CDH13: variants seen among roughly 807,000 people sequenced by gnomAD.
The protein encoded by CDH13 is cadherin 13.
Under a neutral mutation model 63.8 loss-of-function variants are expected in CDH13, and 24 were observed. The ratio of observed to expected loss-of-function variants is 0.38; its 90% CI spans 0.27 to 0.53. The LOEUF (loss-of-function observed/expected upper bound fraction) is 0.53, where lower values mean the gene tolerates loss of function less well. Ranked by LOEUF, CDH13 falls within the 20% of genes least tolerant of loss-of-function variation. CDH13 has a pLI of 0.85. For missense variants in CDH13, 1,049 were observed against 903.1 expected, an observed-to-expected ratio of 1.16 and a Z score of -2.07; for synonymous variants, 503 against 355.3, an observed-to-expected ratio of 1.42 and a Z score of -4.67.
intron 7 of CDH13, among the ~76,000 whole-genome samples, chr16:83,598,318 C>G (rs553798870): frequency 1.3e-5 from 2 of 152,190 alleles, no homozygotes; most frequent in South Asian, 2.1e-4. Context: ...TGAACCATGA[C>G]CACATCACTG....
At chr16:83,100,911 A>C (rs991489219) in intron 3 of CDH13, among the ~76,000 whole-genome samples, 1 of 152,146 alleles carries the variant, frequency 6.6e-6, no homozygotes, top group Non-Finnish European at 1.5e-5. Context: ...TGTATTTCAC[A>C]CATCATTTAA....
intron 6 of CDH13, among the ~76,000 whole-genome samples, chr16:83,368,916 A>T (rs1428706324): frequency 1.3e-5 from 1 of 75,800 alleles, no homozygotes; most frequent in African/African-American, 9.6e-5. Flanking sequence ...ATATATATAT[A>T]TATATATATA....
intron 6 of CDH13, among the ~76,000 whole-genome samples, chr16:83,451,776 G>A (rs1306959507): frequency 3.9e-5 from 6 of 152,196 alleles, no homozygotes; most frequent in East Asian, 1.9e-4. Flanking sequence ...TCTTGGCCTC[G>A]CAAAGTGCTG....
At chr16:83,488,327 C>T (rs979679820) in intron 7 of CDH13, among the ~76,000 whole-genome samples, 9 of 152,028 alleles carry the variant, frequency 5.9e-5, no homozygotes, top group African/African-American at 2.2e-4. Flanking sequence ...TACTGCCTAG[C>T]ATGGTTGAAG....
intron 10 of CDH13, among the ~76,000 whole-genome samples, chr16:83,687,984 G>C (rs564529585): frequency 6.6e-6 from 1 of 152,218 alleles, no homozygotes; most frequent in African/African-American, 2.4e-5. Flanking sequence ...TCATCTTTCT[G>C]ACCTGGATGC....
chr16:82,879,862 A>G (rs908662819), intron 2 of CDH13, among the ~76,000 whole-genome samples: 1 of 143,140 alleles, frequency 7.0e-6, no homozygotes, highest in Non-Finnish European at 1.5e-5. Context: ...AATATATAAT[A>G]GATTTATCTA....
Position 83,419,999 on chromosome 16 carries a change from A to C in CDH13, c.782-66478A>C, listed in dbSNP as rs192343938. Among the ~76,000 whole-genome samples, 405 of 152,050 alleles carry C rather than the reference A, an allele frequency of 2.7e-3. 5 individuals are homozygous for C. The highest frequency in any genetic ancestry group is 9.3e-3 in the African/African-American group (386 of 41,444). On this transcript the variant is annotated intron_variant, in intron 6 of 13. Transcript: ENST00000567109. ...GATTTTAGCTTGAGAGAACTGATTA[A>C]CTCACATTGCATCTTGGGAGGCAGA... is the stretch of plus-strand genomic sequence containing the variant.
chr16:83,362,858 T>G (rs184458122), intron 6 of CDH13, among the ~76,000 whole-genome samples: 65 of 152,304 alleles, frequency 4.3e-4, no homozygotes, highest in African/African-American at 1.5e-3. Context: ...AAATGTTGAT[T>G]TTATTGCTTA....
At chr16:83,678,759 A>G (rs1379384081) in intron 10 of CDH13, among the ~76,000 whole-genome samples, 4 of 152,106 alleles carry the variant, frequency 2.6e-5, no homozygotes, top group Admixed American at 2.0e-4. Context: ...TTGAACGGAG[A>G]GAGAAGGGAG....
At chr16:83,042,300 G>A (rs1156435082) in intron 3 of CDH13, among the ~76,000 whole-genome samples, 3 of 152,172 alleles carry the variant, frequency 2.0e-5, no homozygotes, top group African/African-American at 7.2e-5. Context: ...TACTGCCTGA[G>A]CACTGCCTGC....
At chr16:82,821,143 C>G (rs1443070544) in intron 1 of CDH13, among the ~76,000 whole-genome samples, 1 of 152,162 alleles carries the variant, frequency 6.6e-6, no homozygotes, top group African/African-American at 2.4e-5. Flanking sequence ...ACAACATTAG[C>G]TGAAGGTCTG....
chr16:83,526,084 G>C (rs1377073962), intron 7 of CDH13, among the ~76,000 whole-genome samples: 2 of 152,178 alleles, frequency 1.3e-5, no homozygotes, highest in African/African-American at 4.8e-5. Flanking sequence ...GTCGTAATTT[G>C]TTACAGTAGC....
intron 7 of CDH13, among the ~76,000 whole-genome samples, chr16:83,590,972 G>A (rs1057421565): frequency 1.0e-4 from 15 of 145,010 alleles, no homozygotes; most frequent in Non-Finnish European, 1.5e-4. Flanking sequence ...GTGCAGTGGC[G>A]TGATCTTAGC....
At chr16:83,276,899 C>T (rs138062239) in intron 5 of CDH13, among the ~76,000 whole-genome samples, 52 of 152,250 alleles carry the variant, frequency 3.4e-4, no homozygotes, top group African/African-American at 1.2e-3. Context: ...CATGTCACAT[C>T]TTACGTAGAT....
At chr16:83,403,779 A>C (rs1397608972) in intron 6 of CDH13, among the ~76,000 whole-genome samples, 2 of 152,204 alleles carry the variant, frequency 1.3e-5, no homozygotes, top group Non-Finnish European at 2.9e-5. Flanking sequence ...CTCCTCCACC[A>C]ACATGGAATC....
At chr16:83,205,298 T>G (rs1274179795) in intron 4 of CDH13, among the ~76,000 whole-genome samples, 2 of 152,196 alleles carry the variant, frequency 1.3e-5, no homozygotes, top group African/African-American at 2.4e-5. Context: ...ACCTAGTTAT[T>G]CACTGGGACA....
chr16:83,085,899 A>C (rs984068235), intron 3 of CDH13, among the ~76,000 whole-genome samples: 2 of 152,204 alleles, frequency 1.3e-5, no homozygotes, highest in African/African-American at 2.4e-5. Flanking sequence ...TATTCTTTAG[A>C]ATACCTATTA....
At chr16:83,664,995 A>G (rs1048769421) in intron 8 of CDH13, among the ~76,000 whole-genome samples, 2 of 152,190 alleles carry the variant, frequency 1.3e-5, no homozygotes, top group African/African-American at 2.4e-5. Context: ...ATTTATTAAA[A>G]TGAATTGTTG....
At chr16:83,303,642 A>T (rs1220036064) in intron 5 of CDH13, among the ~76,000 whole-genome samples, 1 of 152,150 alleles carries the variant, frequency 6.6e-6, no homozygotes, top group Non-Finnish European at 1.5e-5. Flanking sequence ...GTAGGTAGAT[A>T]AGGAAACTTC....
Sources: gnomAD v4.1 joint callset for allele counts (sites outside exome capture counted in the v4.1 genomes callset) on GRCh38, gnomAD v4.1.1 for gene constraint, MANE v1.5 for transcripts, NCBI Gene and HGNC (gene_info 2026-07-23, HGNC 2026-07-21) for gene names.